KIAA1217: variants seen among roughly 807,000 people sequenced by gnomAD.
KIAA1217 encodes KIAA1217, also known as sickle tail protein homolog.
Under a neutral mutation model 163.9 loss-of-function variants are expected in KIAA1217, and 88 were observed. The ratio of observed to expected loss-of-function variants is 0.54; its 90% CI spans 0.45 to 0.64. The LOEUF (loss-of-function observed/expected upper bound fraction) is 0.64, where lower values mean the gene tolerates loss of function less well. Ranked by LOEUF, KIAA1217 falls within the 30% of genes least tolerant of loss-of-function variation. The pLI is 0.00. For synonymous variants in KIAA1217, 903 were observed against 923.1 expected (o/e 0.98, Z 0.39); for missense variants, 2,372 against 2,475.0 (o/e 0.96, Z 0.88).
At chr10:24,425,540 T>C (rs1259189876) in intron 3 of KIAA1217, among the ~76,000 whole-genome samples, 16 of 152,256 alleles carry the variant, frequency 1.1e-4, no homozygotes, top group Admixed American at 9.8e-4. Flanking sequence ...TGTCATTTAA[T>C]AAAATACAGT....
At chr10:23,892,259 A>G (rs185583338) in intron 1 of KIAA1217, among the ~76,000 whole-genome samples, 2 of 152,130 alleles carry the variant, frequency 1.3e-5, no homozygotes, top group East Asian at 1.9e-4. Flanking sequence ...TTTAAATATT[A>G]TATGTCAGAT....
intron 1 of KIAA1217, among the ~76,000 whole-genome samples, chr10:23,853,332 A>G (rs1229895788): frequency 6.6e-6 from 1 of 152,142 alleles, no homozygotes; most frequent in Non-Finnish European, 1.5e-5. Flanking sequence ...ATTTGCATGT[A>G]TTAAACCAGC....
intron 2 of KIAA1217, among the ~76,000 whole-genome samples, chr10:24,169,817 C>G (rs1434101986): frequency 6.6e-6 from 1 of 152,084 alleles, no homozygotes; most frequent in Non-Finnish European, 1.5e-5. Flanking sequence ...TAAAGTGCCT[C>G]TGACCCTGAG....
chr10:24,301,003 G>A (rs1269241339), intron 2 of KIAA1217, among the ~76,000 whole-genome samples: 1 of 152,160 alleles, frequency 6.6e-6, no homozygotes, highest in Non-Finnish European at 1.5e-5. Context: ...AGTAGGCACA[G>A]GGTTTCACCA....
intron 2 of KIAA1217, among the ~76,000 whole-genome samples, chr10:24,267,315 A>G (rs1224819557): frequency 6.6e-6 from 1 of 152,228 alleles, no homozygotes; most frequent in East Asian, 1.9e-4. Context: ...AGACTGGCAT[A>G]CATAAAACAA....
At chr10:24,106,457 T>G (rs1398332835) in intron 2 of KIAA1217, among the ~76,000 whole-genome samples, 5 of 151,684 alleles carry the variant, frequency 3.3e-5, no homozygotes, top group African/African-American at 1.2e-4. Context: ...ACTTGGAGGC[T>G]GGAAGTCCAC....
At chr10:23,766,137 G>A (rs6482343) in intron 1 of KIAA1217, among the ~76,000 whole-genome samples, 39,249 of 152,034 alleles carry the variant, frequency 0.26, 5,875 homozygotes, top group African/African-American at 0.41. Context: ...CAGATGACAA[G>A]TTGAAACTCA....
chr10:24,258,102 G>T (rs1002595740), intron 2 of KIAA1217, among the ~76,000 whole-genome samples: 2 of 152,104 alleles, frequency 1.3e-5, no homozygotes, highest in African/African-American at 4.8e-5. Flanking sequence ...GATCACTTGA[G>T]CCCAAGAGGT....
chr10:24,526,333 A>G (rs2072171370), intron 13 of KIAA1217, among the ~76,000 whole-genome samples: 1 of 152,154 alleles, frequency 6.6e-6, no homozygotes, highest in South Asian at 2.1e-4. Flanking sequence ...TTAAAAACGC[A>G]TATCACAAGG....
rs781019114 is a variant in KIAA1217, at chr10:24,521,906, A to G, written c.2433A>G (p.Thr811=). 5 of 1,612,622 alleles carry G rather than the reference A, an allele frequency of 3.1e-6. No homozygotes were observed. Among genetic ancestry groups the G allele is most frequent in the Non-Finnish European group, 4.2e-6 (5 of 1,179,810 alleles). ...DSLLKRVRSM[T]DVLTMLRRHV... ...TCCTGAAGCGTGTGCGCAGCATGAC[A>G]GACGTCCTGACCATGCTGCGGAGGT... The change falls in exon 12 of 21, where the codon ACA becomes ACG. Residue 811 remains threonine (T), a synonymous_variant. Transcript: ENST00000376454.
intron 1 of KIAA1217, among the ~76,000 whole-genome samples, chr10:23,787,511 A>G (rs1323742406): frequency 6.6e-6 from 1 of 152,108 alleles, no homozygotes; most frequent in South Asian, 2.1e-4. Flanking sequence ...GGATCCTAGA[A>G]AATAGACCAT....
intron 2 of KIAA1217, among the ~76,000 whole-genome samples, chr10:24,014,271 A>T (rs140153751): frequency 8.9e-4 from 135 of 152,312 alleles, no homozygotes; most frequent in Non-Finnish European, 1.8e-3. Context: ...AATCTATTTA[A>T]TACGCTCTGG....
At chr10:24,290,946 G>A (rs896086182) in intron 2 of KIAA1217, among the ~76,000 whole-genome samples, 1 of 152,120 alleles carries the variant, frequency 6.6e-6, no homozygotes, top group Non-Finnish European at 1.5e-5. Context: ...GCAGGGGGTT[G>A]TTTAAAATAC....
chr10:23,886,109 T>C (rs1334271404), intron 1 of KIAA1217, among the ~76,000 whole-genome samples: 1 of 151,728 alleles, frequency 6.6e-6, no homozygotes, highest in Non-Finnish European at 1.5e-5. Flanking sequence ...GGCTGTAGGG[T>C]CTGCAGCTGT....
chr10:24,370,031 C>T (rs965541905), intron 2 of KIAA1217, among the ~76,000 whole-genome samples: 3 of 152,066 alleles, frequency 2.0e-5, no homozygotes, highest in African/African-American at 2.4e-5. Context: ...TTTGGGAGGC[C>T]GAGGCAGGTA....
intron 2 of KIAA1217, among the ~76,000 whole-genome samples, chr10:24,337,852 C>G (rs1591092082): frequency 6.6e-6 from 1 of 152,000 alleles, no homozygotes; most frequent in Non-Finnish European, 1.5e-5. Context: ...ACTATGTTGG[C>G]CAGGCAGGTC....
chr10:23,826,017 G>A (rs1398592785), intron 1 of KIAA1217, among the ~76,000 whole-genome samples: 1 of 152,094 alleles, frequency 6.6e-6, no homozygotes, highest in Non-Finnish European at 1.5e-5. Flanking sequence ...CCATCTCCTT[G>A]CCTCCTGGGG....
intron 3 of KIAA1217, among the ~76,000 whole-genome samples, chr10:24,388,098 A>T (rs1056478642): frequency 3.3e-5 from 5 of 152,192 alleles, no homozygotes; most frequent in East Asian, 1.9e-4. Context: ...TATAGCCAAG[A>T]CAATCCTAAG....
chr10:24,397,063 C>A (rs2055866264), intron 3 of KIAA1217, among the ~76,000 whole-genome samples: 1 of 151,524 alleles, frequency 6.6e-6, no homozygotes, highest in South Asian at 2.1e-4. Flanking sequence ...TTTCTGCCAT[C>A]CAGGAGTTTG....
Sources: allele counts gnomAD v4.1 joint callset (sites outside exome capture counted in the v4.1 genomes callset), GRCh38; gene constraint gnomAD v4.1.1; transcripts MANE v1.5; gene names NCBI Gene and HGNC (gene_info 2026-07-23, HGNC 2026-07-21).